The following RERG variants were observed in gnomAD, a reference collection of about 807,000 sequenced individuals.
RERG encodes the protein RAS like estrogen regulated growth inhibitor.
A neutral mutation model predicts 23.2 loss-of-function variants in RERG; 25 were observed. That is an observed-to-expected ratio of 1.08 (90% CI 0.79 to 1.50). The LOEUF is 1.50. Among genes scored for constraint, RERG ranks in the 40% most tolerant of loss-of-function variants. The pLI is 0.00. For missense variants in RERG, 253 were observed against 250.1 expected (o/e 1.01, Z -0.08); for synonymous variants, 81 against 89.1 (o/e 0.91, Z 0.51).
At position 15,178,121 on chromosome 12, in the gene RERG, T is replaced by C. The variant is rs58263589; in HGVS notation, c.61+39308A>G. ...TAAGAAAGTAGAAAGCCATGTGCTA[T>C]AATGGAGGCGTACTTTGCAATCCTC... On this transcript the variant is annotated intron_variant, in intron 2 of 4. Transcript: ENST00000256953. Among the ~76,000 whole-genome samples, 1,015 of 152,264 alleles carry C rather than the reference T, an allele frequency of 6.7e-3. 9 individuals are homozygous for C. Among genetic ancestry groups the C allele is most frequent in the African/African-American group, 0.023 (948 of 41,542 alleles).
chr12:15,180,050 C>A lies in RERG; in HGVS notation c.61+37379G>T, dbSNP rs143535701. On this transcript the variant is annotated intron_variant, in intron 2 of 4. Coordinates refer to ENST00000256953, the MANE Select transcript of RERG (RefSeq NM_032918.3). ...CACATATGAACTTATTTGGGAGAAA[C>A]CTGATGGAGGAAAATGAAAGAAAAA... Among the ~76,000 whole-genome samples the A allele has an allele frequency of 3.4e-3, 513 of 152,006 alleles. 4 individuals carry two copies. Among genetic ancestry groups the A allele is most frequent in the South Asian group, 0.027 (129 of 4,814 alleles).
At chr12:15,118,688 G>T (rs1863776466) in intron 3 of RERG, among the ~76,000 whole-genome samples, 1 of 121,356 alleles carries the variant, frequency 8.2e-6, no homozygotes, top group South Asian at 2.6e-4. Context: ...GGATCTGGTT[G>T]TTTTAAAGTG....
At chr12:15,208,850 T>C (rs1309544099) in intron 2 of RERG, among the ~76,000 whole-genome samples, 1 of 152,148 alleles carries the variant, frequency 6.6e-6, no homozygotes, top group African/African-American at 2.4e-5. Context: ...AAACATTATA[T>C]AAACACACCA....
At chr12:15,200,904 A>T (rs767878585) in intron 2 of RERG, among the ~76,000 whole-genome samples, 9 of 151,902 alleles carry the variant, frequency 5.9e-5, no homozygotes, top group South Asian at 4.1e-4. Flanking sequence ...CATTTTTTAC[A>T]TATTAAATAT....
rs369350011 is a variant in RERG at position 15,110,384 on chromosome 12, G to A, written c.193-867C>T. On this transcript the variant is annotated intron_variant, in intron 4 of 4. Coordinates refer to ENST00000256953, the MANE Select transcript of RERG (RefSeq NM_032918.3). ...TCTGGGTTTAAACACTTTGATTCAA[G>A]TCTTTTTGGGGGTCACAGGTAATTG... 2.8e-5 allele frequency among the ~76,000 whole-genome samples: 4 copies of A among 143,874 alleles called. No individual in the cohort carries two copies. In the East Asian group the frequency reaches 9.2e-4, roughly 33 times the overall value. 94.4% of individuals were successfully genotyped at this position (143,874 alleles called of 152,430 possible).
intron 2 of RERG, among the ~76,000 whole-genome samples, chr12:15,163,061 C>T (rs141463279): frequency 3.7e-4 from 56 of 152,092 alleles, no homozygotes; most frequent in African/African-American, 1.2e-3. Context: ...GTTGTGTTAA[C>T]GAGGATCCCT....
intron 2 of RERG, among the ~76,000 whole-genome samples, chr12:15,178,878 T>G (rs1864887610): frequency 6.6e-6 from 1 of 152,200 alleles, no homozygotes; most frequent in Admixed American, 6.5e-5. Flanking sequence ...TACAACTGTG[T>G]TAAAAATTAC....
chr12:15,150,709 T>C (rs566469481), intron 2 of RERG, among the ~76,000 whole-genome samples: 34 of 152,288 alleles, frequency 2.2e-4, no homozygotes, highest in Middle Eastern at 3.4e-3. Flanking sequence ...AAAGCCAGAA[T>C]TGGAATTCAA....
At chr12:15,187,672 C>T (rs1259019850) in intron 2 of RERG, among the ~76,000 whole-genome samples, 2 of 151,980 alleles carry the variant, frequency 1.3e-5, no homozygotes, top group African/African-American at 4.8e-5. Context: ...AATTCTCCTG[C>T]CTCGGCCTCC....
intron 2 of RERG, among the ~76,000 whole-genome samples, chr12:15,140,478 GTT>G (rs200538853): frequency 0.04 from 6,088 of 152,062 alleles, 445 homozygotes; most frequent in African/African-American, 0.14. Context: ...TTTATTTTAC[GTT>G]ATTTATTCTT....
chr12:15,167,458 C>G (rs1189055727), intron 2 of RERG, among the ~76,000 whole-genome samples: 1 of 152,156 alleles, frequency 6.6e-6, no homozygotes, highest in Admixed American at 6.5e-5. Context: ...CCCGGGGTTT[C>G]TGATTCAGTC....
intron 2 of RERG, among the ~76,000 whole-genome samples, chr12:15,197,938 T>C (rs1223496784): frequency 6.6e-6 from 1 of 152,112 alleles, no homozygotes; most frequent in Non-Finnish European, 1.5e-5. Flanking sequence ...ACTGGCTCTT[T>C]CCTCCTGTGT....
At chr12:15,126,861 G>A (rs903230954) in intron 2 of RERG, among the ~76,000 whole-genome samples, 1 of 151,200 alleles carries the variant, frequency 6.6e-6, no homozygotes, top group Non-Finnish European at 1.5e-5. Context: ...GGGACTACAG[G>A]CGCAACCCGC....
At chr12:15,181,112 G>A (rs35369440) in intron 2 of RERG, among the ~76,000 whole-genome samples, 11,164 of 151,906 alleles carry the variant, frequency 0.073, 536 homozygotes, top group East Asian at 0.25. Context: ...ACCTTCTGCC[G>A]CTGAGACTCT....
chr12:15,215,836 C>A (rs887861708), intron 2 of RERG, among the ~76,000 whole-genome samples: 1 of 152,136 alleles, frequency 6.6e-6, no homozygotes, highest in East Asian at 1.9e-4. Context: ...GAGGAGACAC[C>A]CAGCTTGCTC....
intron 1 of RERG, among the ~76,000 whole-genome samples, chr12:15,218,845 A>T (rs903561579): frequency 6.6e-6 from 1 of 151,730 alleles, no homozygotes; most frequent in African/African-American, 2.4e-5. Flanking sequence ...CTTTTTCATC[A>T]TGTGCATTGC....
chr12:15,212,815 A>G (rs1215821732), intron 2 of RERG, among the ~76,000 whole-genome samples: 2 of 152,178 alleles, frequency 1.3e-5, no homozygotes, highest in Non-Finnish European at 2.9e-5. Flanking sequence ...GCAGGTTTTG[A>G]CGGTTATCTT....
intron 2 of RERG, among the ~76,000 whole-genome samples, chr12:15,191,295 C>G (rs1282356212): frequency 6.6e-6 from 1 of 152,016 alleles, no homozygotes; most frequent in Non-Finnish European, 1.5e-5. Flanking sequence ...AACAGTAAAT[C>G]CTTTCTCTCC....
intron 2 of RERG, among the ~76,000 whole-genome samples, chr12:15,160,225 C>A (rs1864584119): frequency 6.6e-6 from 1 of 151,774 alleles, no homozygotes; most frequent in Non-Finnish European, 1.5e-5. Flanking sequence ...GTACTGAAAA[C>A]AGTAGTGTTA....
Sources: allele counts gnomAD v4.1 joint callset (sites outside exome capture counted in the v4.1 genomes callset), GRCh38; gene constraint gnomAD v4.1.1; transcripts MANE v1.5; gene names NCBI Gene and HGNC (gene_info 2026-07-23, HGNC 2026-07-21).